The following POLK variants were observed in gnomAD, a reference collection of about 807,000 sequenced individuals.
POLK encodes DNA polymerase kappa.
POLK carries 76 observed loss-of-function variants against 94.0 expected under a neutral mutation model. The ratio of observed to expected loss-of-function variants is 0.81; its 90% CI spans 0.67 to 0.98. POLK has a LOEUF of 0.98. Ranked by LOEUF, POLK falls within the 50% of genes least tolerant of loss-of-function variation. The pLI is 0.00. For synonymous variants in POLK, 349 were observed against 325.4 expected (o/e 1.07, Z -0.78); for missense variants, 954 against 1,010.1 (o/e 0.94, Z 0.75).
chr5:75,578,804 T>C (rs866202544), intron 6 of POLK, among the ~76,000 whole-genome samples: 21 of 152,224 alleles, frequency 1.4e-4, no homozygotes, highest in Admixed American at 5.9e-4. Context: ...CTACCATCTC[T>C]ACATACAAAT....
chr5:75,576,678 G>A, intron 5 of POLK, 102 bp from the exon 6 acceptor site: 1 of 491,456 alleles, frequency 2.0e-6, no homozygotes, highest in South Asian at 5.7e-5. Context: ...GATTGTTACT[G>A]TAGTTGCAAA....
rs557581863 is a variant in POLK at position 75,573,003 on chromosome 5, C to T, written c.409-735C>T. Among the ~76,000 whole-genome samples the T allele has an allele frequency of 5.3e-5, 8 of 152,262 alleles. No individual in the cohort carries two copies. In the South Asian group the frequency reaches 1.7e-3, roughly 32 times the overall value. Reference sequence around the variant, plus strand: ...AGAAACACCATTTGACCCAGCCATCCCATTACTGGGTATATACCCAAAGGA... The same window carrying T: ...AGAAACACCATTTGACCCAGCCATCTCATTACTGGGTATATACCCAAAGGA... On this transcript the variant is annotated intron_variant, in intron 4 of 14. Coordinates refer to ENST00000241436, the Ensembl canonical transcript of POLK.
intron 1 of POLK, among the ~76,000 whole-genome samples, chr5:75,543,010 CTTATTTATTTAT>C (rs61605357): frequency 1.8e-3 from 229 of 130,444 alleles, no homozygotes; most frequent in Middle Eastern, 4.2e-3. Context: ...CGCGCCCAGC[CTTATTTATTTAT>C]TTATTTATTT....
exon 15 of POLK, chr5:75,600,496 C>G (rs1773273369): frequency 6.6e-6 from 1 of 152,068 alleles, no homozygotes; most frequent in Non-Finnish European, 1.5e-5. Context: ...CTGTCAGGAC[C>G]CTAACTAATA....
At chr5:75,568,556 G>A (rs1355739056) in intron 3 of POLK, 2 of 189,222 alleles carry the variant, frequency 1.1e-5, no homozygotes, top group Non-Finnish European at 2.2e-5. Context: ...TAAGTTGTTA[G>A]TTTTCTCTGA....
the POLK span, chr5:75,609,320 G>A: frequency 6.6e-6 from 1 of 151,830 alleles, no homozygotes; most frequent in Non-Finnish European, 1.5e-5. Context: ...CTGGCACACA[G>A]TGGCACAATC....
intron 1 of POLK, among the ~76,000 whole-genome samples, chr5:75,536,838 G>A (rs1235235396): frequency 6.6e-6 from 1 of 152,242 alleles, no homozygotes; most frequent in African/African-American, 2.4e-5. Context: ...GAGCTGCTGG[G>A]CTGGAAGCTC....
intron 5 of POLK, among the ~76,000 whole-genome samples, chr5:75,575,587 A>C (rs1242220579): frequency 1.3e-5 from 2 of 152,214 alleles, no homozygotes; most frequent in African/African-American, 4.8e-5. Flanking sequence ...AAGTTAATAA[A>C]TACTCAACAG....
intron 8 of POLK, 59 bp from the exon 9 acceptor site, chr5:75,584,701 A>G (rs1772371490): frequency 2.0e-6 from 2 of 1,006,012 alleles, no homozygotes; most frequent in Admixed American, 3.0e-5. Context: ...TGAGGTTGTA[A>G]TCTCAATTTT....
intron 3 of POLK, 123 bp from the exon 4 acceptor site, chr5:75,569,217 A>T: frequency 1.6e-6 from 1 of 641,460 alleles, no homozygotes; most frequent in Non-Finnish European, 2.6e-6. Flanking sequence ...GGATGGATGG[A>T]TGGATGAATG....
intron 4 of POLK, among the ~76,000 whole-genome samples, chr5:75,570,220 CAGAG>C: frequency 6.6e-6 from 1 of 152,226 alleles, no homozygotes; most frequent in South Asian, 2.1e-4. Context: ...AAAGAAAACT[CAGAG>C]AGATGTTTAA....
intron 5 of POLK, among the ~76,000 whole-genome samples, chr5:75,575,214 C>T (rs1198372516): frequency 6.6e-6 from 1 of 152,150 alleles, no homozygotes; most frequent in Non-Finnish European, 1.5e-5. Context: ...AGGGTCTCAC[C>T]CCATAGCCCA....
At chr5:75,603,792 A>G (rs1773355844), downstream of POLK, among the ~76,000 whole-genome samples, 1 of 152,092 alleles carries the variant, frequency 6.6e-6, no homozygotes, top group Non-Finnish European at 1.5e-5. Context: ...TCTCCCACCT[A>G]CATAATTACT....
rs150515423 is a variant in POLK, at chr5:75,535,508, A to T, written c.-13-11502A>T. ...AATGTTGGCCTCTCTAGCAAAGTTC[A>T]TGACAATTTCATGGACAATATCCTG... On this transcript the variant is annotated intron_variant, in intron 1 of 14. Transcript: ENST00000241436. Among the ~76,000 whole-genome samples, 83 of 152,248 alleles carry T rather than the reference A, an allele frequency of 5.5e-4. 1 individual carries two copies. The highest frequency in any genetic ancestry group is 1.9e-3 in the African/African-American group (78 of 41,558).
At chr5:75,523,935 G>A (rs1768706946) in intron 1 of POLK, among the ~76,000 whole-genome samples, 1 of 151,998 alleles carries the variant, frequency 6.6e-6, no homozygotes, top group South Asian at 2.1e-4. Flanking sequence ...TTCAAGACCA[G>A]CCTGGCCAAC....
intron 1 of POLK, among the ~76,000 whole-genome samples, chr5:75,520,682 A>G (rs533261117): frequency 7.2e-5 from 11 of 152,238 alleles, no homozygotes; most frequent in Non-Finnish European, 1.5e-5. Context: ...TACAGGCATG[A>G]ACCACAGTGC....
At chr5:75,534,808 G>T (rs372796142) in intron 1 of POLK, 6 of 152,130 alleles carry the variant, frequency 3.9e-5, no homozygotes, top group Admixed American at 3.9e-4. Flanking sequence ...GCTTTTTTCT[G>T]TATTCTGTTT....
upstream of POLK, chr5:75,511,607 T>C (rs1388266185): frequency 2.0e-6 from 3 of 1,467,710 alleles, no homozygotes; most frequent in Non-Finnish European, 1.8e-6. Context: ...ACCGCCGCCA[T>C]CTTCCTGCCT....
At chr5:75,517,406 C>A (rs1221863398) in intron 1 of POLK, among the ~76,000 whole-genome samples, 3 of 151,948 alleles carry the variant, frequency 2.0e-5, no homozygotes, top group African/African-American at 7.3e-5. Flanking sequence ...AAATGTTATG[C>A]TCTAACAGCA....
Sources: gnomAD v4.1 joint callset for allele counts (sites outside exome capture counted in the v4.1 genomes callset) on GRCh38, gnomAD v4.1.1 for gene constraint, MANE v1.5 for transcripts, NCBI Gene and HGNC (gene_info 2026-07-23, HGNC 2026-07-21) for gene names.